The following PDLIM5 variants were observed in gnomAD, a reference collection of about 807,000 sequenced individuals.
PDLIM5 encodes PDZ and LIM domain protein 5.
In PDLIM5, 34 loss-of-function variants were observed where a neutral mutation model predicts 64.2. The observed-to-expected ratio is 0.53, with a 90% CI of 0.40 to 0.71. PDLIM5 has a LOEUF of 0.71. Among genes scored for constraint, PDLIM5 ranks in the 30% least tolerant of loss-of-function variants. PDLIM5 has a pLI of 0.00. For synonymous variants in PDLIM5, 253 were observed against 269.1 expected (o/e 0.94, Z 0.59); for missense variants, 683 against 733.6 (o/e 0.93, Z 0.80).
intron 5 of PDLIM5, chr4:94,582,674 T>G: frequency 6.9e-7 from 1 of 1,441,270 alleles, no homozygotes; most frequent in Non-Finnish European, 9.7e-7. Flanking sequence ...ATGTCTTCTC[T>G]ACTCTATCGC....
At chr4:94,628,209 G>A (rs1739855039) in intron 8 of PDLIM5, among the ~76,000 whole-genome samples, 1 of 152,106 alleles carries the variant, frequency 6.6e-6, no homozygotes, top group South Asian at 2.1e-4. Flanking sequence ...TAACATCACA[G>A]CTAGAAAGCC....
chr4:94,496,638 C>T (rs1317782493), intron 2 of PDLIM5, among the ~76,000 whole-genome samples: 4 of 152,154 alleles, frequency 2.6e-5, no homozygotes, highest in Admixed American at 1.3e-4. Context: ...AACAGGTGTG[C>T]ACTACCATGC....
intron 3 of PDLIM5, among the ~76,000 whole-genome samples, chr4:94,526,338 A>G (rs1235664038): frequency 6.6e-6 from 1 of 152,230 alleles, no homozygotes; most frequent in South Asian, 2.1e-4. Flanking sequence ...GCTTAAATAC[A>G]GAATCTGACA....
intron 3 of PDLIM5, among the ~76,000 whole-genome samples, chr4:94,569,767 A>G (rs1219891615): frequency 3.9e-5 from 6 of 152,214 alleles, no homozygotes; most frequent in African/African-American, 1.4e-4. Flanking sequence ...GGTAGCTGTT[A>G]GTCTTTGTTT....
chr4:94,564,935 C>T (rs1185339830), intron 3 of PDLIM5, among the ~76,000 whole-genome samples: 1 of 152,002 alleles, frequency 6.6e-6, no homozygotes, highest in Non-Finnish European at 1.5e-5. Flanking sequence ...GGATTACAGG[C>T]ATGAGCCGCC....
At chr4:94,564,116 A>C (rs1395203117) in intron 3 of PDLIM5, among the ~76,000 whole-genome samples, 1 of 151,842 alleles carries the variant, frequency 6.6e-6, no homozygotes, top group East Asian at 1.9e-4. Context: ...GGCGTGCGCC[A>C]CCACACCTGG....
intron 2 of PDLIM5, among the ~76,000 whole-genome samples, chr4:94,518,865 T>G (rs978573672): frequency 2.0e-5 from 3 of 152,180 alleles, no homozygotes; most frequent in Non-Finnish European, 4.4e-5. Flanking sequence ...TCTATACCGG[T>G]ACTCTTCTTT....
At chr4:94,637,529 A>G (rs543763264) in intron 8 of PDLIM5, among the ~76,000 whole-genome samples, 1 of 152,346 alleles carries the variant, frequency 6.6e-6, no homozygotes, top group Admixed American at 6.5e-5. Context: ...GTTGCACTCC[A>G]GCCTGGGCGA....
At chr4:94,623,631 A>G (rs1403862298) in intron 8 of PDLIM5, among the ~76,000 whole-genome samples, 1 of 152,208 alleles carries the variant, frequency 6.6e-6, no homozygotes, top group African/African-American at 2.4e-5. Context: ...TACAGCATCT[A>G]AACAATGCCT....
intron 11 of PDLIM5, among the ~76,000 whole-genome samples, chr4:94,660,332 G>C (rs1247361227): frequency 6.6e-6 from 1 of 152,012 alleles, no homozygotes; most frequent in Non-Finnish European, 1.5e-5. Context: ...TGGGGCTTTT[G>C]TGCTTACTGT....
chr4:94,455,110 A>G (rs1329183698), intron 1 of PDLIM5, 137 bp from the exon 2 acceptor site: 5 of 501,224 alleles, frequency 1.0e-5, no homozygotes, highest in Non-Finnish European at 1.8e-5. Context: ...GCTTTTCTTA[A>G]ACTGAAATTA....
intron 2 of PDLIM5, among the ~76,000 whole-genome samples, chr4:94,482,874 C>T (rs978744772): frequency 1.3e-5 from 2 of 151,826 alleles, no homozygotes; most frequent in Admixed American, 6.6e-5. Context: ...GGGTGACAGA[C>T]CAAGACCCTG....
chr4:94,452,357 C>G (rs1002137159), intron 1 of PDLIM5, among the ~76,000 whole-genome samples: 6 of 152,166 alleles, frequency 3.9e-5, no homozygotes, highest in African/African-American at 1.4e-4. Context: ...CCCACCCACC[C>G]GGCTGCCGGC....
At position 94,544,205 on chromosome 4, in the gene PDLIM5, C is replaced by T. The variant is rs533135666; in HGVS notation, c.248+20330C>T. Among the ~76,000 whole-genome samples the T allele has an allele frequency of 1.3e-4, 20 of 152,102 alleles. No individual in the cohort carries two copies. The South Asian group carries it at 2.9e-3, about 22-fold the overall frequency. On this transcript the variant is annotated intron_variant, in intron 3 of 12. Coordinates refer to ENST00000317968, the MANE Select transcript of PDLIM5 (RefSeq NM_006457.5). ...CTCTTTTGTTTCTTATAAGGACATT[C>T]GTCATTGGATTTAGGGTCTACCTGA...
At position 94,667,298 on chromosome 4, in the gene PDLIM5, G is replaced by C. The variant is rs13141591; in HGVS notation, c.*3231G>C. 0.98 allele frequency: 148,513 copies of C among 152,304 alleles called. 72,476 individuals carry two copies. The highest frequency in any genetic ancestry group is 1 in the East Asian group (5,180 of 5,180). The allele number at this position is 152,304 out of a possible 1,614,324, so 9.4% of individuals were successfully genotyped here. On this transcript the variant is annotated 3_prime_UTR_variant, in exon 13 of 13. Coordinates refer to ENST00000317968, the MANE Select transcript of PDLIM5 (RefSeq NM_006457.5). ...TAAAAAGTATCCCCTGCTTATGCTT[G>C]TCCAGTTGGCCCTCCATGTCCATAG...
Position 94,618,052 on chromosome 4 carries a change from AC to A in PDLIM5, c.970del (p.Arg324GlyfsTer29). 6.2e-7 allele frequency: 1 copy of A among 1,605,512 alleles called. No individual in the cohort carries two copies. Among genetic ancestry groups the A allele is most frequent in the Non-Finnish European group, 8.5e-7 (1 of 1,176,158 alleles). On this transcript the variant is annotated frameshift_variant, in exon 8 of 13. Transcript: ENST00000317968. LOFTEE classifies it high-confidence loss of function. Reference sequence around the variant, plus strand: ...AGTTGGCTTCCTCGGTAGCTTCCACACGGAGCATGCCCGAGAGCCTGGACAG... The same window carrying A: ...AGTTGGCTTCCTCGGTAGCTTCCACAGGAGCATGCCCGAGAGCCTGGACAG... The part of the protein sequence containing the change: ...PQLASSVAST[R>X]SMPESLDSPT...
chr4:94,587,141 T>C (rs939040414), intron 7 of PDLIM5: 8 of 1,534,666 alleles, frequency 5.2e-6, no homozygotes, highest in South Asian at 1.3e-5. Flanking sequence ...TTTTTTTTTT[T>C]CAACTTCATA....
intron 5 of PDLIM5, chr4:94,577,526 C>T: frequency 6.8e-6 from 2 of 293,942 alleles, no homozygotes; most frequent in African/African-American, 2.3e-5. Context: ...GTTATTGTTT[C>T]TTTCATGTGA....
At chr4:94,511,338 G>A (rs1301405260) in intron 2 of PDLIM5, among the ~76,000 whole-genome samples, 2 of 151,802 alleles carry the variant, frequency 1.3e-5, no homozygotes, top group African/African-American at 4.8e-5. Flanking sequence ...TAATTTTTGT[G>A]GGTACATGGT....
Sources: allele counts gnomAD v4.1 joint callset (sites outside exome capture counted in the v4.1 genomes callset), GRCh38; gene constraint gnomAD v4.1.1; transcripts MANE v1.5; gene names NCBI Gene and HGNC (gene_info 2026-07-23, HGNC 2026-07-21).